The following SOX6 variants were observed in gnomAD, a reference collection of about 807,000 sequenced individuals.
The protein encoded by SOX6 is SRY-box transcription factor 6.
In SOX6, 11 loss-of-function variants were observed where a neutral mutation model predicts 97.8. That is an observed-to-expected ratio of 0.11 (90% CI 0.07 to 0.19). SOX6 has a LOEUF of 0.19. SOX6 is among the 10% of genes least tolerant of loss of function. The pLI, the probability that SOX6 is intolerant of heterozygous loss-of-function variation, is 1.00. For synonymous variants in SOX6, 360 were observed against 371.4 expected, an observed-to-expected ratio of 0.97 and a Z score of 0.35; for missense variants, 810 against 1,039.5, an observed-to-expected ratio of 0.78 and a Z score of 3.04.
chr11:16,027,797 C>G (rs1295569832), intron 12 of SOX6, among the ~76,000 whole-genome samples: 2 of 152,196 alleles, frequency 1.3e-5, no homozygotes, highest in African/African-American at 4.8e-5. Context: ...CACCGCGCAT[C>G]TAGATTTAAT....
At chr11:16,360,499 T>C (rs912594446), upstream of SOX6, among the ~76,000 whole-genome samples, 1 of 152,214 alleles carries the variant, frequency 6.6e-6, no homozygotes, top group Admixed American at 6.5e-5. Flanking sequence ...TATATGTTTA[T>C]GTTCCATATC....
chr11:15,978,710 G>A lies in SOX6; in HGVS notation c.2184-5598C>T, dbSNP rs547208790. Among the ~76,000 whole-genome samples, 60 of 146,026 alleles carry A rather than the reference G, an allele frequency of 4.1e-4. No homozygotes were observed. The South Asian group carries it at 0.01, about 25-fold the overall frequency. ...AATTTATATCTCCAGTAAGCCCTTC[G>A]CTCCTAAATTCTAGACTCATTATAA... On this transcript the variant is annotated intron_variant, in intron 15 of 15. Transcript: ENST00000683767.
At chr11:16,148,257 A>G (rs969073584) in intron 6 of SOX6, among the ~76,000 whole-genome samples, 3 of 152,134 alleles carry the variant, frequency 2.0e-5, no homozygotes, top group Admixed American at 1.3e-4. Context: ...TTTGAATAAT[A>G]TGGGAGGAAA....
intron 3 of SOX6, among the ~76,000 whole-genome samples, chr11:16,640,264 T>C (rs1246064892): frequency 6.6e-6 from 1 of 152,166 alleles, no homozygotes; most frequent in Non-Finnish European, 1.5e-5. Flanking sequence ...TAAAGCCCAC[T>C]GGATCATGGT....
At chr11:16,236,162 G>T (rs1396446745) in intron 3 of SOX6, among the ~76,000 whole-genome samples, 1 of 151,746 alleles carries the variant, frequency 6.6e-6, no homozygotes, top group Non-Finnish European at 1.5e-5. Flanking sequence ...TTCAACAAAT[G>T]ATCTACTACT....
chr11:16,395,355 A>C (rs1397826698), intron 1 of SOX6, among the ~76,000 whole-genome samples: 1 of 151,870 alleles, frequency 6.6e-6, no homozygotes, highest in Non-Finnish European at 1.5e-5. Context: ...CATTGGAAGG[A>C]GCAAGGAGGG....
intron 4 of SOX6, among the ~76,000 whole-genome samples, chr11:16,509,281 T>G (rs534008971): frequency 1.3e-5 from 2 of 152,002 alleles, no homozygotes; most frequent in Non-Finnish European, 2.9e-5. Context: ...CACATATTAT[T>G]TAACCTTCTT....
rs1305750865 is a variant in SOX6 at position 16,501,495 on chromosome 11, A to C, written n.610-25107T>G. ...TAAACTAAAGAGCTTCTGCACAGCAAAAGAAATTATCATCAGAGTGAACAG... is the reference window on the plus strand; with the variant it reads ...TAAACTAAAGAGCTTCTGCACAGCACAAGAAATTATCATCAGAGTGAACAG... On this transcript the variant is annotated intron_variant and non_coding_transcript_variant, in intron 4 of 5. Transcript: ENST00000524520. 2.3e-3 allele frequency among the ~76,000 whole-genome samples: 353 copies of C among 151,368 alleles called. 2 individuals carry two copies. The highest frequency in any genetic ancestry group is 7.5e-3 in the African/African-American group (307 of 40,696).
intron 9 of SOX6, among the ~76,000 whole-genome samples, chr11:16,068,011 C>T (rs1245562125): frequency 6.6e-6 from 1 of 151,940 alleles, no homozygotes; most frequent in Non-Finnish European, 1.5e-5. Flanking sequence ...AACCCCAGGC[C>T]TAGCCAAGTT....
At chr11:16,714,762 T>C (rs574808721) in intron 3 of SOX6, 1 of 152,350 alleles carries the variant, frequency 6.6e-6, no homozygotes, top group African/African-American at 2.4e-5. Flanking sequence ...TGTCTTTTAA[T>C]TTTCATTAGG....
intron 9 of SOX6, 54 bp downstream of exon 9, chr11:16,095,942 T>G (rs1483350466): frequency 6.4e-7 from 1 of 1,561,726 alleles, no homozygotes; most frequent in African/African-American, 1.4e-5. Flanking sequence ...GCCTAGAGTA[T>G]GACTGAACAA....
intron 1 of SOX6, among the ~76,000 whole-genome samples, chr11:16,426,917 A>T (rs1859151789): frequency 1.3e-5 from 2 of 149,200 alleles, no homozygotes; most frequent in Non-Finnish European, 3.0e-5. Context: ...CCGTCTCAAA[A>T]AAAAAAAAAA....
intron 13 of SOX6, among the ~76,000 whole-genome samples, chr11:16,007,083 A>G (rs915809314): frequency 6.6e-6 from 1 of 152,102 alleles, no homozygotes; most frequent in East Asian, 1.9e-4. Context: ...ATTAAAAAAC[A>G]GTCATGCATT....
At chr11:16,488,252 G>A (rs1200319288) in intron 4 of SOX6, among the ~76,000 whole-genome samples, 1 of 152,106 alleles carries the variant, frequency 6.6e-6, no homozygotes, top group African/African-American at 2.4e-5. Context: ...TAGAGTTGGT[G>A]ACTTCAAGGA....
intron 3 of SOX6, among the ~76,000 whole-genome samples, chr11:16,697,320 A>C (rs1848061039): frequency 6.6e-6 from 1 of 152,120 alleles, no homozygotes. Context: ...GGCATCTAGA[A>C]TGGTGACTCC....
chr11:16,556,536 C>A lies in SOX6; in HGVS notation n.609+55545G>T, dbSNP rs543085498. 5.9e-5 allele frequency among the ~76,000 whole-genome samples: 9 copies of A among 151,794 alleles called. No individual in the cohort carries two copies. In the East Asian group the frequency reaches 1.7e-3, roughly 29 times the overall value. On this transcript the variant is annotated intron_variant and non_coding_transcript_variant, in intron 4 of 5. Transcript: ENST00000524520. ...TCAAATATAACCACAGAATCACATG[C>A]AGAAGTGAGCATTAAAACATTAGTT...
At chr11:16,473,209 G>A (rs892079102) in intron 1 of SOX6, among the ~76,000 whole-genome samples, 4 of 152,086 alleles carry the variant, frequency 2.6e-5, no homozygotes, top group African/African-American at 7.2e-5. Context: ...GTATGCCTTA[G>A]TATAGGCGTG....
chr11:16,481,215 C>T (rs1860340222), upstream of SOX6, among the ~76,000 whole-genome samples: 2 of 151,802 alleles, frequency 1.3e-5, no homozygotes, highest in African/African-American at 4.8e-5. Context: ...TTTCTTTTTC[C>T]TTAATAATCA....
At chr11:16,225,200 T>G (rs557677767) in intron 4 of SOX6, among the ~76,000 whole-genome samples, 120 of 152,162 alleles carry the variant, frequency 7.9e-4, no homozygotes, top group Non-Finnish European at 1.5e-3. Context: ...TTTTGATACT[T>G]TTTTCTAAAG....
Sources: allele counts gnomAD v4.1 joint callset (sites outside exome capture counted in the v4.1 genomes callset), GRCh38; gene constraint gnomAD v4.1.1; transcripts MANE v1.5; gene names NCBI Gene and HGNC (gene_info 2026-07-23, HGNC 2026-07-21).